WDR93: variants seen among roughly 807,000 people sequenced by gnomAD.
The protein encoded by WDR93 is WD repeat domain 93.
Under a neutral mutation model 82.9 loss-of-function variants are expected in WDR93, and 73 were observed. The observed-to-expected ratio is 0.88, with a 90% CI of 0.73 to 1.07. WDR93 has a LOEUF of 1.07. Ranked by LOEUF, WDR93 falls within the 50% of genes least tolerant of loss-of-function variation. The probability of loss-of-function intolerance (pLI) is 0.00; values close to 1 mark genes in which losing one functional copy is unlikely to be tolerated. For missense variants in WDR93, 738 were observed against 826.0 expected (o/e 0.89, Z 1.31); for synonymous variants, 283 against 300.1 (o/e 0.94, Z 0.59).
At chr15:89,718,191 A>T (rs1263232682) in intron 7 of WDR93, among the ~76,000 whole-genome samples, 7 of 151,924 alleles carry the variant, frequency 4.6e-5, no homozygotes. Context: ...AAATACAAAA[A>T]ATGGCCGGGT....
chr15:89,698,292 G>A (rs1426189749), intron 1 of WDR93, among the ~76,000 whole-genome samples: 1 of 152,106 alleles, frequency 6.6e-6, no homozygotes, highest in Non-Finnish European at 1.5e-5. Context: ...TCTGATTAGT[G>A]TTAGCATAGT....
At chr15:89,710,969 C>G (rs1371591751) in intron 4 of WDR93, among the ~76,000 whole-genome samples, 1 of 152,146 alleles carries the variant, frequency 6.6e-6, no homozygotes, top group Non-Finnish European at 1.5e-5. Context: ...ACTGAGGTAT[C>G]CTACTTTTGT....
At chr15:89,741,900 T>C (rs1374919460) in intron 16 of WDR93, among the ~76,000 whole-genome samples, 1 of 152,108 alleles carries the variant, frequency 6.6e-6, no homozygotes, top group Non-Finnish European at 1.5e-5. Context: ...TACAGGCACA[T>C]GCCACCATGC....
chr15:89,734,452 G>C (rs1966996128), intron 13 of WDR93, among the ~76,000 whole-genome samples: 1 of 152,116 alleles, frequency 6.6e-6, no homozygotes, highest in Admixed American at 6.6e-5. Context: ...GGTAGTCTAA[G>C]GGCTCCTAGC....
At chr15:89,714,001 T>TC (rs1966126081) in intron 5 of WDR93, among the ~76,000 whole-genome samples, 2 of 152,290 alleles carry the variant, frequency 1.3e-5, no homozygotes, top group East Asian at 3.9e-4. Flanking sequence ...GAACAACCTT[T>TC]CCTAGGTTAA....
intron 4 of WDR93, among the ~76,000 whole-genome samples, chr15:89,706,424 C>T (rs1286610684): frequency 6.6e-6 from 1 of 151,806 alleles, no homozygotes; most frequent in East Asian, 1.9e-4. Flanking sequence ...TCCCAAAGTA[C>T]TGGGATTACA....
intron 5 of WDR93, among the ~76,000 whole-genome samples, chr15:89,714,080 T>G (rs1966130764): frequency 6.6e-6 from 1 of 152,210 alleles, no homozygotes; most frequent in Non-Finnish European, 1.5e-5. Flanking sequence ...ACCCATGGGT[T>G]GTTATCTCCT....
intron 9 of WDR93, among the ~76,000 whole-genome samples, chr15:89,728,303 G>A (rs1966817235): frequency 6.6e-6 from 1 of 152,142 alleles, no homozygotes; most frequent in Non-Finnish European, 1.5e-5. Context: ...ATCAATGAGG[G>A]AGCTGGTTTT....
chr15:89,691,707 G>A (rs1964894223), intron 1 of WDR93, among the ~76,000 whole-genome samples: 1 of 149,272 alleles, frequency 6.7e-6, no homozygotes, highest in Non-Finnish European at 1.5e-5. Context: ...GCGACAGAGC[G>A]AGACGCTGTC....
In WDR93 at chr15:89,702,917, ACTGAAAATAATATTTTTT is replaced by A; in HGVS notation, c.304-30_304-13del. 6.2e-7 allele frequency: 1 copy of A among 1,605,650 alleles called. No homozygotes were observed. The highest frequency in any genetic ancestry group is 8.5e-7 in the Non-Finnish European group (1 of 1,175,166). ...CTCATAATATTTGAAGACAGTGACA[ACTGAAAATAATATTTTTT>A]CTTTGTTTTCCCAGCTCAACAAAAT... On this transcript the variant is annotated splice_polypyrimidine_tract_variant and intron_variant, in intron 2 of 16. Coordinates refer to ENST00000268130, the MANE Select transcript of WDR93 (RefSeq NM_020212.2).
chr15:89,742,041 A>G (rs911716684), intron 16 of WDR93, among the ~76,000 whole-genome samples: 2 of 152,028 alleles, frequency 1.3e-5, no homozygotes, highest in Non-Finnish European at 2.9e-5. Flanking sequence ...ATGAGCCATC[A>G]CACCCGGCCT....
chr15:89,743,357 CCTT>C lies in WDR93; in HGVS notation c.2028_2030del (p.Leu677del). ...CACTGGGCCCGGCTTCAGAGGTACT[CCTT>C]GTCGCTCCAGAGAGAGAACTTCAAG... On this transcript the variant is annotated inframe_deletion, in exon 17 of 17. Coordinates refer to ENST00000268130, the MANE Select transcript of WDR93 (RefSeq NM_020212.2). 1 of 1,614,168 alleles carries C rather than the reference CCTT, an allele frequency of 6.2e-7. No individual in the cohort carries two copies. The highest frequency in any genetic ancestry group is 8.5e-7 in the Non-Finnish European group (1 of 1,180,032).
intron 8 of WDR93, 136 bp downstream of exon 8, chr15:89,722,275 T>TA: frequency 2.9e-6 from 2 of 687,140 alleles, no homozygotes; most frequent in Non-Finnish European, 4.7e-6. Flanking sequence ...AAATTTTTTT[T>TA]AAACCCATAA....
chr15:89,741,805 G>A (rs1327307008), intron 16 of WDR93, among the ~76,000 whole-genome samples: 5 of 151,846 alleles, frequency 3.3e-5, no homozygotes, highest in African/African-American at 1.2e-4. Flanking sequence ...AGGCTGGAGT[G>A]CAGTGGCACA....
At chr15:89,695,866 G>T (rs1965145582) in intron 1 of WDR93, among the ~76,000 whole-genome samples, 1 of 139,108 alleles carries the variant, frequency 7.2e-6, no homozygotes, top group South Asian at 2.3e-4. Context: ...ACCCAGGCTG[G>T]AGTGCAATGG....
chr15:89,694,054 C>CT (rs1355652311), intron 1 of WDR93, among the ~76,000 whole-genome samples: 1 of 152,102 alleles, frequency 6.6e-6, no homozygotes, highest in Non-Finnish European at 1.5e-5. Flanking sequence ...TTCAACAACA[C>CT]TTTCATGGTC....
At chr15:89,742,619 C>T (rs1596139457) in intron 16 of WDR93, among the ~76,000 whole-genome samples, 2 of 152,124 alleles carry the variant, frequency 1.3e-5, no homozygotes, top group East Asian at 3.9e-4. Context: ...CTGCAACCTC[C>T]ATCTCCCAGA....
chr15:89,731,826 T>C (rs1172783922), intron 12 of WDR93, among the ~76,000 whole-genome samples: 1 of 152,220 alleles, frequency 6.6e-6, no homozygotes, highest in Non-Finnish European at 1.5e-5. Flanking sequence ...GGAAGTATGA[T>C]CATTGCCTTC....
intron 12 of WDR93, 62 bp from the exon 13 acceptor site, chr15:89,732,944 T>C (rs1966883722): frequency 6.7e-7 from 1 of 1,502,626 alleles, no homozygotes; most frequent in Non-Finnish European, 9.3e-7. Flanking sequence ...TCACAGCCCC[T>C]GTGCCCATGG....
Sources: allele counts gnomAD v4.1 joint callset (sites outside exome capture counted in the v4.1 genomes callset), GRCh38; gene constraint gnomAD v4.1.1; transcripts MANE v1.5; gene names NCBI Gene and HGNC (gene_info 2026-07-23, HGNC 2026-07-21).